Variants in SCD5 observed in about 807,000 individuals in gnomAD.
SCD5 encodes the protein stearoyl-CoA desaturase 5, also known as acyl-CoA-desaturase 4.
In SCD5, 20 loss-of-function variants were observed where a neutral mutation model predicts 30.4. That is an observed-to-expected ratio of 0.66 (90% confidence interval 0.46 to 0.96). The LOEUF (loss-of-function observed/expected upper bound fraction) is 0.96, where lower values mean the gene tolerates loss of function less well. SCD5 is among the 40% of genes least tolerant of loss of function. The pLI is 0.00. For synonymous variants in SCD5, 173 were observed against 176.4 expected (o/e 0.98, Z 0.16); for missense variants, 381 against 443.3 (o/e 0.86, Z 1.26).
chr4:82,735,449 G>T (rs549209342), intron 1 of SCD5, among the ~76,000 whole-genome samples: 1 of 152,094 alleles, frequency 6.6e-6, no homozygotes, highest in African/African-American at 2.4e-5. Context: ...TGCAATAAGC[G>T]GGTTGGGTAA....
At chr4:82,697,831 C>A (rs1275578836) in intron 2 of SCD5, among the ~76,000 whole-genome samples, 1 of 152,154 alleles carries the variant, frequency 6.6e-6, no homozygotes, top group Non-Finnish European at 1.5e-5. Flanking sequence ...TTCCGCATAA[C>A]GGAAGGGGTT....
intron 1 of SCD5, among the ~76,000 whole-genome samples, chr4:82,725,571 A>C (rs535808706): frequency 1.2e-5 from 1 of 86,412 alleles, no homozygotes; most frequent in South Asian, 2.6e-4. Context: ...TTAGAAAATA[A>C]AGCCTGGACC....
intron 2 of SCD5, among the ~76,000 whole-genome samples, chr4:82,682,865 G>C (rs1190637156): frequency 2.0e-5 from 3 of 152,108 alleles, no homozygotes; most frequent in African/African-American, 7.2e-5. Flanking sequence ...GCCCAGGCTG[G>C]AGTACAGTGG....
At chr4:82,726,720 GT>G (rs1392339685) in intron 1 of SCD5, among the ~76,000 whole-genome samples, 2 of 151,986 alleles carry the variant, frequency 1.3e-5, no homozygotes, top group African/African-American at 4.8e-5. Context: ...TTAAATGTTG[GT>G]CACGATCCAA....
chr4:82,635,515 G>A (rs1322889419), intron 4 of SCD5, among the ~76,000 whole-genome samples: 2 of 151,600 alleles, frequency 1.3e-5, no homozygotes, highest in East Asian at 3.9e-4. Context: ...CAGCTACTCG[G>A]GAGGCTGAGG....
At chr4:82,707,273 C>CATT (rs1284886323) in intron 1 of SCD5, among the ~76,000 whole-genome samples, 21 of 152,266 alleles carry the variant, frequency 1.4e-4, no homozygotes, top group African/African-American at 4.6e-4. Context: ...CACAAAATGA[C>CATT]AGAATTATAA....
chr4:82,637,557 C>A (rs1404286848), intron 3 of SCD5, among the ~76,000 whole-genome samples: 1 of 152,202 alleles, frequency 6.6e-6, no homozygotes, highest in Non-Finnish European at 1.5e-5. Flanking sequence ...AGCCCCTGAC[C>A]CAGGCTTCAG....
At chr4:82,733,698 C>A (rs142738819) in intron 1 of SCD5, among the ~76,000 whole-genome samples, 8 of 152,228 alleles carry the variant, frequency 5.3e-5, no homozygotes, top group African/African-American at 1.9e-4. Context: ...AGGGTCCCTG[C>A]GCCATTCTCG....
intron 3 of SCD5, among the ~76,000 whole-genome samples, chr4:82,647,521 C>T (rs1026010870): frequency 1.3e-5 from 2 of 152,180 alleles, no homozygotes; most frequent in Non-Finnish European, 1.5e-5. Context: ...GCTGATATAA[C>T]ACAGCTTCTT....
chr4:82,706,663 C>T (rs2148827876), intron 1 of SCD5, among the ~76,000 whole-genome samples: 1 of 152,354 alleles, frequency 6.6e-6, no homozygotes, highest in East Asian at 1.9e-4. Flanking sequence ...CCAAAGATTA[C>T]ATATTACCAA....
chr4:82,724,845 A>T (rs1720439128), intron 1 of SCD5, among the ~76,000 whole-genome samples: 1 of 152,222 alleles, frequency 6.6e-6, no homozygotes, highest in Non-Finnish European at 1.5e-5. Flanking sequence ...ACGAACCTAG[A>T]CATTTAGGCC....
chr4:82,648,414 G>C (rs906152), intron 3 of SCD5, among the ~76,000 whole-genome samples: 144,802 of 152,130 alleles, frequency 0.95, 69,014 homozygotes, highest in East Asian at 1. Context: ...GCACAGAGAG[G>C]TGCTCAGAGC....
chr4:82,674,116 C>A (rs764652736), intron 3 of SCD5, among the ~76,000 whole-genome samples: 3 of 151,974 alleles, frequency 2.0e-5, no homozygotes, highest in Non-Finnish European at 2.9e-5. Context: ...CATCAAAGGG[C>A]ATGATTCATG....
Position 82,798,772 on chromosome 4 carries a change from T to G in SCD5, c.-235A>C. On this transcript the variant is annotated 5_prime_UTR_variant, in exon 1 of 5. Coordinates refer to ENST00000319540, the MANE Select transcript of SCD5 (RefSeq NM_001037582.3). ...GTTGCTGGCGTATCCCCCATATGGCTGCCCGGGCTGAACTCGGCCGCGAGA... is the reference window on the plus strand; with the variant it reads ...GTTGCTGGCGTATCCCCCATATGGCGGCCCGGGCTGAACTCGGCCGCGAGA... 1.3e-4 allele frequency: 56 copies of G among 443,830 alleles called. No individual in the cohort carries two copies. Among genetic ancestry groups the G allele is most frequent in the Middle Eastern group, 5.9e-4 (1 of 1,694 alleles). The allele number at this position is 443,830 out of a possible 1,614,324, so 27.5% of individuals were successfully genotyped here.
At chr4:82,740,099 T>TA (rs1217086054) in intron 1 of SCD5, among the ~76,000 whole-genome samples, 1 of 152,130 alleles carries the variant, frequency 6.6e-6, no homozygotes, top group Non-Finnish European at 1.5e-5. Context: ...CCTTTCAACT[T>TA]AAACTCGAGA....
At chr4:82,668,797 G>C (rs1222275422) in intron 3 of SCD5, among the ~76,000 whole-genome samples, 1 of 152,162 alleles carries the variant, frequency 6.6e-6, no homozygotes, top group Non-Finnish European at 1.5e-5. Context: ...GAGTGGCAGA[G>C]CATGGTTGTA....
rs1031977910 is a variant in SCD5 at position 82,727,896 on chromosome 4, C to T, written c.233-22483G>A. On this transcript the variant is annotated intron_variant, in intron 1 of 4. Transcript: ENST00000319540. ...CTAATTTTTGTATTATTAGTAGAGA[C>T]GGGGTTTCACCATGTTGGCCAGGCT... Among the ~76,000 whole-genome samples the T allele has an allele frequency of 7.9e-5, 12 of 152,006 alleles. No individual in the cohort carries two copies. In the South Asian group the frequency reaches 1.5e-3, roughly 18 times the overall value.
intron 1 of SCD5, among the ~76,000 whole-genome samples, chr4:82,787,901 G>A (rs538118939): frequency 6.6e-6 from 1 of 152,258 alleles, no homozygotes; most frequent in Non-Finnish European, 1.5e-5. Flanking sequence ...ACCAGGTATG[G>A]TAGCATGCCT....
chr4:82,701,505 AT>A (rs1719840038), intron 2 of SCD5, among the ~76,000 whole-genome samples: 1 of 151,942 alleles, frequency 6.6e-6, no homozygotes, highest in Non-Finnish European at 1.5e-5. Flanking sequence ...GTCAGAGAGG[AT>A]TAAAAAAAAA....
Sources: allele counts gnomAD v4.1 joint callset (sites outside exome capture counted in the v4.1 genomes callset), GRCh38; gene constraint gnomAD v4.1.1; transcripts MANE v1.5; gene names NCBI Gene and HGNC (gene_info 2026-07-23, HGNC 2026-07-21).